The following NR1I2 variants were observed in gnomAD, a reference collection of about 807,000 sequenced individuals.
NR1I2 encodes the protein nuclear receptor subfamily 1 group I member 2, also known as orphan nuclear receptor PAR1.
In NR1I2, 42 loss-of-function variants were observed where a neutral mutation model predicts 43.3. The observed-to-expected ratio is 0.97, with a 90% CI of 0.76 to 1.26. The LOEUF is 1.26. NR1I2 is among the 50% of genes most tolerant of loss of function. NR1I2 has a pLI of 0.00. For missense variants in NR1I2, 559 were observed against 566.7 expected (o/e 0.99, Z 0.14); for synonymous variants, 229 against 215.0 (o/e 1.06, Z -0.57).
At chr3:119,785,664 A>G (rs1413381848) in intron 1 of NR1I2, among the ~76,000 whole-genome samples, 2 of 152,224 alleles carry the variant, frequency 1.3e-5, no homozygotes, top group Non-Finnish European at 2.9e-5. Flanking sequence ...AGAAAACTCC[A>G]GGATGATCAT....
intron 1 of NR1I2, among the ~76,000 whole-genome samples, chr3:119,799,984 A>AC (rs1491483864): frequency 0.018 from 2,142 of 118,722 alleles, 55 homozygotes; most frequent in African/African-American, 0.052. Context: ...ACAAACAAAC[A>AC]AACACACACA....
chr3:119,792,868 C>T (rs1279777470), intron 1 of NR1I2, among the ~76,000 whole-genome samples: 1 of 152,042 alleles, frequency 6.6e-6, no homozygotes, highest in Middle Eastern at 3.4e-3. Context: ...GAGGAAGACT[C>T]CGTCTCAAAA....
intron 1 of NR1I2, among the ~76,000 whole-genome samples, chr3:119,806,140 G>T (rs1263194197): frequency 6.6e-6 from 1 of 152,208 alleles, no homozygotes; most frequent in African/African-American, 2.4e-5. Flanking sequence ...TTGTCAGTCA[G>T]TGCCTAGAGA....
chr3:119,815,787 T>A lies in NR1I2; in HGVS notation c.1116T>A (p.Thr372=). The change falls in exon 8 of 9, where the codon ACT becomes ACA. Residue 372 remains threonine (T), a synonymous_variant. Coordinates refer to ENST00000393716, the MANE Select transcript of NR1I2 (RefSeq NM_003889.4). Reference sequence around the variant, plus strand: ...AGCTGCAGGAGCAATTCGCCATTACTCTGAAGTCCTACATTGAATGCAATC... The same window carrying A: ...AGCTGCAGGAGCAATTCGCCATTACACTGAAGTCCTACATTGAATGCAATC... 1 of 1,613,762 alleles carries A rather than the reference T, an allele frequency of 6.2e-7. No individual in the cohort carries two copies. Among genetic ancestry groups the A allele is most frequent in the African/African-American group, 1.3e-5 (1 of 75,070 alleles).
At chr3:119,812,149 A>C (rs776097540) in intron 4 of NR1I2, among the ~76,000 whole-genome samples, 2 of 152,206 alleles carry the variant, frequency 1.3e-5, no homozygotes, top group African/African-American at 2.4e-5. Context: ...TTATGAGGAC[A>C]GGATCAGGAC....
intron 1 of NR1I2, among the ~76,000 whole-genome samples, chr3:119,798,692 T>C (rs1349169942): frequency 6.6e-6 from 1 of 151,982 alleles, no homozygotes; most frequent in Non-Finnish European, 1.5e-5. Flanking sequence ...CATGTTCATT[T>C]GCAGCCACTC....
At chr3:119,812,169 G>A (rs1003052714) in intron 4 of NR1I2, among the ~76,000 whole-genome samples, 2 of 152,166 alleles carry the variant, frequency 1.3e-5, no homozygotes, top group Non-Finnish European at 2.9e-5. Context: ...CCTGTTGGGG[G>A]TGTGACTTTT....
chr3:119,803,544 C>A (rs1232153698), intron 1 of NR1I2, among the ~76,000 whole-genome samples: 8 of 152,082 alleles, frequency 5.3e-5, no homozygotes, highest in Admixed American at 5.2e-4. Context: ...AGATAAATTT[C>A]TGTTGTTTAT....
chr3:119,795,769 G>A (rs2054990684), intron 1 of NR1I2, among the ~76,000 whole-genome samples: 1 of 152,148 alleles, frequency 6.6e-6, no homozygotes, highest in African/African-American at 2.4e-5. Context: ...CTTCTCTCCT[G>A]TAGATCATCC....
chr3:119,800,474 G>C (rs753290271), intron 1 of NR1I2, among the ~76,000 whole-genome samples: 1 of 152,108 alleles, frequency 6.6e-6, no homozygotes, highest in Non-Finnish European at 1.5e-5. Context: ...TGGCTATTAT[G>C]GGTCTTTTAC....
intron 1 of NR1I2, among the ~76,000 whole-genome samples, chr3:119,796,039 T>C (rs895690651): frequency 4.6e-5 from 7 of 152,148 alleles, no homozygotes; most frequent in Admixed American, 1.3e-4. Context: ...CCTCCCTGCC[T>C]CTCACTTTCC....
chr3:119,814,640 G>A (rs192248020), intron 5 of NR1I2, among the ~76,000 whole-genome samples: 1 of 152,344 alleles, frequency 6.6e-6, no homozygotes, highest in East Asian at 1.9e-4. Flanking sequence ...GAAAGGAGGA[G>A]GCCAGGGACC....
chr3:119,803,759 T>TA (rs1049484667), intron 1 of NR1I2, among the ~76,000 whole-genome samples: 1 of 150,698 alleles, frequency 6.6e-6, no homozygotes, highest in African/African-American at 2.4e-5. Context: ...TTTCTCAGTG[T>TA]ACTTTTTTTT....
chr3:119,791,956 A>G, intron 1 of NR1I2: 1 of 684,072 alleles, frequency 1.5e-6, no homozygotes, highest in Non-Finnish European at 2.7e-6. Flanking sequence ...TGTGGAGTAC[A>G]GGACATTGTG....
chr3:119,786,945 G>T (rs1370588227), intron 1 of NR1I2, among the ~76,000 whole-genome samples: 1 of 152,126 alleles, frequency 6.6e-6, no homozygotes, highest in African/African-American at 2.4e-5. Flanking sequence ...AAAACAACTT[G>T]CATCATGTAT....
At chr3:119,795,582 T>TCCTC (rs1187327024) in intron 1 of NR1I2, among the ~76,000 whole-genome samples, 1 of 152,106 alleles carries the variant, frequency 6.6e-6, no homozygotes, top group African/African-American at 2.4e-5. Context: ...TAATGCTGCC[T>TCCTC]CCTCCCTCCC....
In NR1I2 at chr3:119,797,982, AT is replaced by A. The variant is rs955664997; in HGVS notation, c.-22-9237del. Reference sequence around the variant, plus strand: ...TCTTAATTTTATTTCTTTGTGGTTAATTTTTTTTTTCTGGGTATTTGTAAGA... The same window carrying A: ...TCTTAATTTTATTTCTTTGTGGTTAATTTTTTTTTCTGGGTATTTGTAAGA... On this transcript the variant is annotated intron_variant, in intron 1 of 8. Coordinates refer to ENST00000393716, the MANE Select transcript of NR1I2 (RefSeq NM_003889.4). 1.3e-3 allele frequency among the ~76,000 whole-genome samples: 201 copies of A among 150,360 alleles called. 2 individuals carry two copies. Among genetic ancestry groups the A allele is most frequent in the South Asian group, 7.4e-3 (35 of 4,726 alleles).
At chr3:119,786,022 T>C (rs1189948468) in intron 1 of NR1I2, among the ~76,000 whole-genome samples, 1 of 152,224 alleles carries the variant, frequency 6.6e-6, no homozygotes, top group Non-Finnish European at 1.5e-5. Context: ...TTGAGTTTTA[T>C]TAAATGCTGT....
chr3:119,817,378 A>T lies in NR1I2; in HGVS notation c.*166A>T. On this transcript the variant is annotated 3_prime_UTR_variant, in exon 9 of 9. Transcript: ENST00000393716. ...GACAGCTGGCTAGCATTCCTCAGGA[A>T]GGACATGGGTGCCCCCCACCCCCAG... The T allele has an allele frequency of 1.3e-6, 2 of 1,497,606 alleles. No homozygotes were observed. The highest frequency in any genetic ancestry group is 1.8e-6 in the Non-Finnish European group (2 of 1,125,944). The allele number at this position is 1,497,606 out of a possible 1,614,324, so 92.8% of individuals were successfully genotyped here.
Sources: gnomAD v4.1 joint callset for allele counts (sites outside exome capture counted in the v4.1 genomes callset) on GRCh38, gnomAD v4.1.1 for gene constraint, MANE v1.5 for transcripts, NCBI Gene and HGNC (gene_info 2026-07-23, HGNC 2026-07-21) for gene names.